SUGCT: variants seen among roughly 807,000 people sequenced by gnomAD.
SUGCT encodes succinyl-CoA:glutarate CoA-transferase.
In SUGCT, 41 loss-of-function variants were observed where a neutral mutation model predicts 55.0. The observed-to-expected ratio is 0.74, with a 90% CI of 0.58 to 0.97. The LOEUF (loss-of-function observed/expected upper bound fraction) is 0.97, where lower values mean the gene tolerates loss of function less well. Ranked by LOEUF, SUGCT falls within the 50% of genes least tolerant of loss-of-function variation. The probability of loss-of-function intolerance (pLI) is 0.00; values close to 1 mark genes in which losing one functional copy is unlikely to be tolerated. For synonymous variants in SUGCT, 187 were observed against 200.4 expected, an observed-to-expected ratio of 0.93 and a Z score of 0.56; for missense variants, 568 against 547.8, an observed-to-expected ratio of 1.04 and a Z score of -0.37.
intron 12 of SUGCT, among the ~76,000 whole-genome samples, chr7:40,583,966 A>G (rs1797238349): frequency 6.6e-6 from 1 of 152,172 alleles, no homozygotes; most frequent in African/African-American, 2.4e-5. Context: ...TGAAGCATAC[A>G]CTTACATCTC....
At chr7:40,160,229 A>T (rs1453160622) in intron 1 of SUGCT, among the ~76,000 whole-genome samples, 3 of 151,816 alleles carry the variant, frequency 2.0e-5, no homozygotes, top group African/African-American at 7.3e-5. Context: ...CCATAAAATA[A>T]TTTTTTTCTT....
At chr7:40,903,750 C>T in the SUGCT span, among the ~76,000 whole-genome samples, 1 of 152,162 alleles carries the variant, frequency 6.6e-6, no homozygotes, top group African/African-American at 2.4e-5. Context: ...CTGTCATTCT[C>T]TCCAGCCTTC....
At chr7:40,663,123 T>G (rs1413299600) in intron 12 of SUGCT, among the ~76,000 whole-genome samples, 2 of 152,204 alleles carry the variant, frequency 1.3e-5, no homozygotes, top group Non-Finnish European at 1.5e-5. Context: ...TGGCAGCACA[T>G]TAGTAAACTA....
intron 1 of SUGCT, among the ~76,000 whole-genome samples, chr7:40,147,640 C>G (rs534874372): frequency 6.6e-6 from 1 of 152,326 alleles, no homozygotes; most frequent in South Asian, 2.1e-4. Flanking sequence ...TGTGAGGATT[C>G]TTTAAGCTAG....
At chr7:40,675,760 A>G (rs569103799) in intron 12 of SUGCT, among the ~76,000 whole-genome samples, 1 of 152,322 alleles carries the variant, frequency 6.6e-6, no homozygotes, top group Admixed American at 6.5e-5. Flanking sequence ...AATGAGCAGT[A>G]AGAGTTCGGA....
intron 12 of SUGCT, among the ~76,000 whole-genome samples, chr7:40,656,797 A>G (rs1208027031): frequency 1.3e-5 from 2 of 152,314 alleles, no homozygotes; most frequent in East Asian, 1.9e-4. Flanking sequence ...CAGAGATCCA[A>G]CCCCACTCTT....
chr7:40,247,278 CAG>C (rs1259169818), intron 7 of SUGCT, among the ~76,000 whole-genome samples: 5 of 151,854 alleles, frequency 3.3e-5, no homozygotes, highest in African/African-American at 4.8e-5. Flanking sequence ...TTGTGTGAGA[CAG>C]AGTCTTGCTC....
intron 13 of SUGCT, among the ~76,000 whole-genome samples, chr7:40,804,564 C>G (rs552379623): frequency 6.8e-5 from 9 of 132,082 alleles, no homozygotes; most frequent in African/African-American, 2.1e-4. Flanking sequence ...GGCCATTACC[C>G]TTCTCAGAAA....
chr7:40,708,563 A>G (rs1433447617), intron 12 of SUGCT, among the ~76,000 whole-genome samples: 1 of 151,964 alleles, frequency 6.6e-6, no homozygotes, highest in Non-Finnish European at 1.5e-5. Context: ...CGATCACATC[A>G]TGTTCTTCTT....
chr7:40,449,438 CT>C, intron 10 of SUGCT, 80 bp downstream of exon 10: 1 of 961,720 alleles, frequency 1.0e-6, no homozygotes, highest in Non-Finnish European at 1.7e-6. Flanking sequence ...TCACAACCAA[CT>C]TAGGCCCCCT....
intron 1 of SUGCT, among the ~76,000 whole-genome samples, chr7:40,152,049 G>C (rs1449413657): frequency 6.6e-6 from 1 of 152,106 alleles, no homozygotes; most frequent in Admixed American, 6.6e-5. Flanking sequence ...CAGAACGCAG[G>C]GTCTAGGAAA....
rs146046946 is a variant in SUGCT, at chr7:40,617,820, A to T, written c.1089+121434A>T. Among the ~76,000 whole-genome samples the T allele has an allele frequency of 2.9e-3, 441 of 152,300 alleles. 4 individuals are homozygous for T. Among genetic ancestry groups the T allele is most frequent in the African/African-American group, 9.8e-3 (407 of 41,570 alleles). ...CCCTTGTGCTACTCATAAAAAAGCT[A>T]AAGAGATTGTTTTTTCTTACATTGT... On this transcript the variant is annotated intron_variant, in intron 12 of 13. Transcript: ENST00000335693.
At chr7:40,774,626 T>C (rs1330306132) in intron 13 of SUGCT, among the ~76,000 whole-genome samples, 1 of 152,128 alleles carries the variant, frequency 6.6e-6, no homozygotes, top group Non-Finnish European at 1.5e-5. Context: ...AACAGAGTTA[T>C]TTCTGTTGTT....
At chr7:41,005,173 TA>T in the SUGCT span, among the ~76,000 whole-genome samples, 1 of 152,082 alleles carries the variant, frequency 6.6e-6, no homozygotes, top group African/African-American at 2.4e-5. Flanking sequence ...CATAAGGAAT[TA>T]TTTTTTTAAT....
At chr7:40,952,121 A>T in the SUGCT span, among the ~76,000 whole-genome samples, 1 of 152,150 alleles carries the variant, frequency 6.6e-6, no homozygotes, top group African/African-American at 2.4e-5. Context: ...GACTTGCTTT[A>T]TGAATCTGGG....
intron 6 of SUGCT, among the ~76,000 whole-genome samples, chr7:40,219,143 C>T (rs919261373): frequency 2.0e-5 from 3 of 152,174 alleles, no homozygotes; most frequent in African/African-American, 7.2e-5. Context: ...TGAGCTATAA[C>T]ACTCATGGCC....
At chr7:41,007,010 C>T in the SUGCT span, among the ~76,000 whole-genome samples, 4 of 151,550 alleles carry the variant, frequency 2.6e-5, no homozygotes, top group Non-Finnish European at 5.9e-5. Flanking sequence ...ATGAAGCTGA[C>T]ATAAATTTAA....
intron 12 of SUGCT, among the ~76,000 whole-genome samples, chr7:40,558,198 A>G (rs530608730): frequency 6.6e-6 from 1 of 152,280 alleles, no homozygotes; most frequent in African/African-American, 2.4e-5. Flanking sequence ...GCCTCTGTGA[A>G]AAACAGCTTA....
intron 13 of SUGCT, among the ~76,000 whole-genome samples, chr7:40,797,900 C>T (rs1026472206): frequency 6.6e-6 from 1 of 152,206 alleles, no homozygotes; most frequent in Non-Finnish European, 1.5e-5. Context: ...ATTCACCTTC[C>T]CTGCTTGTCT....
Sources: allele counts gnomAD v4.1 joint callset (sites outside exome capture counted in the v4.1 genomes callset), GRCh38; gene constraint gnomAD v4.1.1; transcripts MANE v1.5; gene names NCBI Gene and HGNC (gene_info 2026-07-23, HGNC 2026-07-21).